Variants in CUBN observed in about 807,000 individuals in gnomAD.
CUBN encodes cubilin.
In CUBN, 282 loss-of-function variants were observed where a neutral mutation model predicts 405.3. That is an observed-to-expected ratio of 0.70 (90% confidence interval 0.63 to 0.77). The LOEUF is 0.77. Ranked by LOEUF, CUBN falls within the 30% of genes least tolerant of loss-of-function variation. CUBN has a pLI of 0.00. For synonymous variants in CUBN, 1,684 were observed against 1,617.0 expected (o/e 1.04, Z -0.99); for missense variants, 4,514 against 4,475.2 (o/e 1.01, Z -0.25).
chr10:16,861,519 T>C (rs567959916), intron 59 of CUBN, among the ~76,000 whole-genome samples: 3 of 152,306 alleles, frequency 2.0e-5, no homozygotes, highest in East Asian at 3.9e-4. Flanking sequence ...AATTCTCGCA[T>C]GTGAAATGAG....
chr10:16,908,873 T>TC (rs1491142371), intron 48 of CUBN, among the ~76,000 whole-genome samples: 2 of 34,730 alleles, frequency 5.8e-5, no homozygotes, highest in African/African-American at 1.3e-4. Context: ...ATGTCATCTC[T>TC]TTTTTTTTTT....
At chr10:17,074,557 T>A (rs1269756763) in intron 17 of CUBN, among the ~76,000 whole-genome samples, 3 of 152,206 alleles carry the variant, frequency 2.0e-5, no homozygotes, top group Admixed American at 2.0e-4. Flanking sequence ...GCATACTGAA[T>A]TTTCCAGGAT....
chr10:16,834,385 G>A (rs185023549), intron 64 of CUBN, among the ~76,000 whole-genome samples: 90 of 152,146 alleles, frequency 5.9e-4, no homozygotes, highest in African/African-American at 2.0e-3. Context: ...CTCTCAGTGT[G>A]TCCTGGGGTG....
rs562885686 is a variant in CUBN, at chr10:16,839,732, T to C, written c.10032+598A>G. On this transcript the variant is annotated intron_variant, in intron 62 of 66. Transcript: ENST00000377833. ...CATTACTGGGTATATACCCAAAGGA[T>C]TATAAATCATGCTGCTATAAAGACA... Among the ~76,000 whole-genome samples the C allele has an allele frequency of 3.6e-3, 532 of 149,728 alleles. 7 individuals carry two copies. The highest frequency in any genetic ancestry group is 0.012 in the African/African-American group (498 of 41,372).
chr10:17,091,791 G>A (rs1390369878), intron 14 of CUBN, among the ~76,000 whole-genome samples: 4 of 152,238 alleles, frequency 2.6e-5, no homozygotes, highest in East Asian at 3.9e-4. Flanking sequence ...TTTGGTATAA[G>A]CACCAGTTTA....
Position 17,065,574 on chromosome 10 carries a change from C to A in CUBN, c.3073G>T (p.Val1025Leu). 3.7e-6 allele frequency: 6 copies of A among 1,613,690 alleles called. No homozygotes were observed. The highest frequency in any genetic ancestry group is 5.1e-6 in the Non-Finnish European group (6 of 1,179,654). ...SSGNSLMLVF[V>L]TDSDLAYEGF... ...TCATAAGCGAGGTCGGAGTCAGTCA[C>A]AAACACCAGCATCAATGAGTTACCA... Residue 1025 changes from valine (V) to leucine (L), a missense_variant, in exon 22 of 67, where the codon GTG becomes TTG. Physicochemically the swap from Val to Leu is conservative, Grantham distance 32 (BLOSUM62 1). Around this residue, in one of 5 missense-constraint regions of CUBN, gnomAD observed 1,448 missense variants for 1,388.0 expected, o/e 1.04. Coordinates refer to ENST00000377833, the MANE Select transcript of CUBN (RefSeq NM_001081.4).
chr10:16,977,365 T>A (rs1228102433), intron 31 of CUBN, among the ~76,000 whole-genome samples: 1 of 151,664 alleles, frequency 6.6e-6, no homozygotes. Flanking sequence ...AGCAGATAAA[T>A]AGAAGAGCAG....
chr10:17,016,688 G>A (rs570801323), intron 28 of CUBN, among the ~76,000 whole-genome samples: 10 of 152,166 alleles, frequency 6.6e-5, no homozygotes, highest in South Asian at 4.2e-4. Flanking sequence ...CCAATATCCC[G>A]GGGGTTTTTG....
intron 65 of CUBN, 40 bp from the exon 66 acceptor site, chr10:16,829,080 T>C: frequency 6.6e-7 from 1 of 1,504,038 alleles, no homozygotes; most frequent in Non-Finnish European, 9.2e-7. Flanking sequence ...TTCAACAGCA[T>C]ATAAGCCGTC....
chr10:17,084,670 T>C (rs1836063355), intron 16 of CUBN, among the ~76,000 whole-genome samples: 1 of 152,252 alleles, frequency 6.6e-6, no homozygotes, highest in East Asian at 1.9e-4. Flanking sequence ...AAGAAATAGA[T>C]GCAGAGATGT....
intron 54 of CUBN, among the ~76,000 whole-genome samples, chr10:16,897,762 G>A (rs1841231242): frequency 6.6e-6 from 1 of 152,164 alleles, no homozygotes; most frequent in African/African-American, 2.4e-5. Context: ...GCAGAAACAA[G>A]CATCTCGGGC....
chr10:17,032,699 G>A (rs749619703), intron 27 of CUBN, among the ~76,000 whole-genome samples: 4 of 152,158 alleles, frequency 2.6e-5, no homozygotes, highest in Non-Finnish European at 5.9e-5. Context: ...TTGTTTGTAT[G>A]AGGGGAAAAT....
In CUBN at chr10:17,103,144, A is replaced by G; in HGVS notation, c.1511T>C (p.Ile504Thr). 1.2e-6 allele frequency: 2 copies of G among 1,612,244 alleles called. No homozygotes were observed. Among genetic ancestry groups the G allele is most frequent in the Non-Finnish European group, 1.7e-6 (2 of 1,178,320 alleles). Residue 504 changes from isoleucine to threonine, a missense_variant, in exon 13 of 67, where the codon ATC (isoleucine) becomes ACC (threonine). Around this residue, in one of 5 missense-constraint regions of CUBN, gnomAD observed 1,448 missense variants for 1,388.0 expected, o/e 1.04. Coordinates refer to ENST00000377833, the MANE Select transcript of CUBN (RefSeq NM_001081.4). ...YVHDVNCFWVIKTEMGKVLRI... is the reference protein window; with the variant it reads ...YVHDVNCFWVTKTEMGKVLRI... ...ATTTACCTTTCCCATTTCAGTTTTGATAACCCAGAAGCAGTTAACATCATG... is the reference window on the plus strand; with the variant it reads ...ATTTACCTTTCCCATTTCAGTTTTGGTAACCCAGAAGCAGTTAACATCATG...
rs375796983 is a variant in CUBN, at chr10:17,068,588, AGGGAACAG to A, written c.2791+9_2791+16del. On this transcript the variant is annotated intron_variant, in intron 20 of 66. Transcript: ENST00000377833. ...CAAGCCCAAGAGGAGGAAAAAAAAA[AGGGAACAG>A]TCTCTTACCCAAATCCTCAGCACTG... 7.0e-4 allele frequency: 1,113 copies of A among 1,593,462 alleles called. 6 individuals carry two copies. In the African/African-American group the frequency reaches 0.013, roughly 19 times the overall value.
At chr10:17,115,708 G>C (rs1836877919) in intron 6 of CUBN, 111 bp from the exon 7 acceptor site, 2 of 1,356,816 alleles carry the variant, frequency 1.5e-6, no homozygotes, top group East Asian at 4.6e-5. Flanking sequence ...ATGTTAACTT[G>C]GAATCGTCAG....
chr10:16,875,198 A>T (rs573917169), intron 57 of CUBN, among the ~76,000 whole-genome samples: 1 of 152,110 alleles, frequency 6.6e-6, no homozygotes, highest in East Asian at 2.0e-4. Context: ...AACAGCTCAG[A>T]GCCTTGAGCT....
intron 40 of CUBN, among the ~76,000 whole-genome samples, chr10:16,929,865 T>C (rs2131589468): frequency 6.6e-6 from 1 of 152,316 alleles, no homozygotes; most frequent in South Asian, 2.1e-4. Context: ...TGAAAGTGAG[T>C]TGAGTCTATT....
In CUBN at chr10:17,129,768, A is replaced by G. The variant is rs775222174; in HGVS notation, c.-3T>C. On this transcript the variant is annotated 5_prime_UTR_variant, in exon 1 of 67. Transcript: ENST00000377833. ...AAAGGTAAAGACATGTTCATCATCA[A>G]CCTCCCAGGTTGGCAGGTAAGAGTG... 1.9e-6 allele frequency: 3 copies of G among 1,613,876 alleles called. No homozygotes were observed. Among genetic ancestry groups the G allele is most frequent in the Non-Finnish European group, 2.5e-6 (3 of 1,179,860 alleles).
intron 22 of CUBN, among the ~76,000 whole-genome samples, chr10:17,052,759 C>CAAA (rs10574636): frequency 7.6e-4 from 42 of 55,114 alleles, no homozygotes; most frequent in Non-Finnish European, 1.1e-3. Context: ...GACTCAGTCT[C>CAAA]AAAAAAAAAA....
Sources: gnomAD v4.1 joint callset for allele counts (sites outside exome capture counted in the v4.1 genomes callset) on GRCh38, gnomAD v4.1.1 for gene constraint, gnomAD v4.1.1 regional missense constraint, MANE v1.5 for transcripts, NCBI Gene and HGNC (gene_info 2026-07-23, HGNC 2026-07-21) for gene names.